Variants in STOX2 observed in about 807,000 individuals in gnomAD.
The protein encoded by STOX2 is storkhead-box protein 2.
A neutral mutation model predicts 60.9 loss-of-function variants in STOX2; 28 were observed. That is an observed-to-expected ratio of 0.46 (90% CI 0.34 to 0.63). The LOEUF (loss-of-function observed/expected upper bound fraction) is 0.63. Among genes scored for constraint, STOX2 ranks in the 30% least tolerant of loss-of-function variants. The pLI, the probability that STOX2 is intolerant of heterozygous loss-of-function variation, is 0.01. For synonymous variants in STOX2, 472 were observed against 463.9 expected, an observed-to-expected ratio of 1.02 and a Z score of -0.22; for missense variants, 1,024 against 1,187.7, an observed-to-expected ratio of 0.86 and a Z score of 2.03.
chr4:184,021,870 C>T lies in STOX2; in HGVS notation c.*4586C>T, dbSNP rs944711476. The T allele has an allele frequency of 6.6e-6, 1 of 152,238 alleles. No individual in the cohort carries two copies. Among genetic ancestry groups the T allele is most frequent in the Non-Finnish European group, 1.5e-5 (1 of 68,150 alleles). 9.4% of individuals were successfully genotyped at this position (152,238 alleles called of 1,614,324 possible). Reference sequence around the variant, plus strand: ...CCGTCACCACAGGCCAGTCACAGAACCAACTAGCCACGTGCTGCCAGACCT... The same window carrying T: ...CCGTCACCACAGGCCAGTCACAGAATCAACTAGCCACGTGCTGCCAGACCT... On this transcript the variant is annotated 3_prime_UTR_variant, in exon 4 of 4. Coordinates refer to ENST00000308497, the MANE Select transcript of STOX2 (RefSeq NM_020225.3).
At chr4:183,890,028 G>T (rs1372918023) in intron 1 of STOX2, among the ~76,000 whole-genome samples, 1 of 152,094 alleles carries the variant, frequency 6.6e-6, no homozygotes, top group Non-Finnish European at 1.5e-5. Context: ...TTAATTTCCA[G>T]CTGAAATATT....
chr4:184,019,961 T>TTA lies in STOX2; in HGVS notation c.*2678_*2679dup, dbSNP rs1734510977. The TTA allele has an allele frequency of 6.6e-6, 1 of 152,214 alleles. No individual in the cohort carries two copies. Among genetic ancestry groups the TTA allele is most frequent in the South Asian group, 2.1e-4 (1 of 4,836 alleles). The allele number at this position is 152,214 out of a possible 1,614,324, so 9.4% of individuals were successfully genotyped here. On this transcript the variant is annotated 3_prime_UTR_variant, in exon 4 of 4. Coordinates refer to ENST00000308497, the MANE Select transcript of STOX2 (RefSeq NM_020225.3). Reference sequence around the variant, plus strand: ...ACGACTGCTTATCCAGTCTTAGGGTTTAGCAGCTGAAAGGTTTACAAAACT... The same window carrying TTA: ...ACGACTGCTTATCCAGTCTTAGGGTTTATAGCAGCTGAAAGGTTTACAAAACT...
Position 184,010,350 on chromosome 4 carries a change from T to C in STOX2, c.1512T>C (p.Ser504=). The change falls in exon 3 of 4, where the codon TCT becomes TCC. Residue 504 remains serine, a synonymous_variant. Transcript: ENST00000308497. This position sits in a 1 kb window ranked among gnomAD's most constrained non-coding sequence, Gnocchi z 4.5. ...MDNSKGPLGA[S]SLGTPEDLAE... is the part of the protein sequence containing the mutation. ...ACTCCAAAGGCCCTCTGGGTGCTTC[T>C]TCTCTAGGGACGCCGGAAGACCTTG... 1.9e-6 allele frequency: 3 copies of C among 1,611,114 alleles called. No individual in the cohort carries two copies. The South Asian group carries it at 3.3e-5, about 18-fold the overall frequency.
At chr4:183,980,405 G>A (rs535587539) in intron 1 of STOX2, among the ~76,000 whole-genome samples, 59 of 152,296 alleles carry the variant, frequency 3.9e-4, no homozygotes, top group African/African-American at 1.3e-3. Flanking sequence ...ACAACAGTCC[G>A]GATACTGTTG....
At position 183,979,968 on chromosome 4, in the gene STOX2, T is replaced by C. The variant is rs138897858; in HGVS notation, c.167-21357T>C. Among the ~76,000 whole-genome samples the C allele has an allele frequency of 4.3e-3, 658 of 152,316 alleles. 5 individuals carry two copies. The highest frequency in any genetic ancestry group is 0.015 in the African/African-American group (608 of 41,576). On this transcript the variant is annotated intron_variant, in intron 1 of 3. Transcript: ENST00000308497. ...TATTCCTGAGGAACTAATATTTTAA[T>C]TTTATTTAATTTAGATTAACTTATA...
chr4:184,010,241 A>T lies in STOX2; in HGVS notation c.1403A>T (p.His468Leu), dbSNP rs1734083200. ...AGGGGAAGCTCCCACTCAAAAGTGC[A>T]CCGAAGCCACAGCCATACACAGGAC... ...PSRGSSHSKV[H>L]RSHSHTQDRR... The change falls in exon 3 of 4, where the codon CAC (histidine) becomes CTC (leucine). Residue 468 changes from histidine to leucine, a missense_variant. His to Leu is a moderately conservative substitution (Grantham distance 99, BLOSUM62 -3). Around this residue, in one of 3 missense-constraint regions of STOX2, gnomAD observed 922 missense variants for 1,058.3 expected, o/e 0.87. Transcript: ENST00000308497. This position sits in a 1 kb window ranked among gnomAD's most constrained non-coding sequence, Gnocchi z 4.5. 6.4e-7 allele frequency: 1 copy of T among 1,560,730 alleles called. No homozygotes were observed. Among genetic ancestry groups the T allele is most frequent in the East Asian group, 2.4e-5 (1 of 41,456 alleles).
intron 1 of STOX2, among the ~76,000 whole-genome samples, chr4:183,880,015 A>T (rs1357234357): frequency 3.9e-5 from 6 of 151,910 alleles, no homozygotes; most frequent in Non-Finnish European, 8.8e-5. Context: ...TAGAGACGGA[A>T]TCTCGCTCTG....
At chr4:183,822,941 C>G (rs965100914) in intron 1 of STOX2, among the ~76,000 whole-genome samples, 7 of 152,250 alleles carry the variant, frequency 4.6e-5, no homozygotes, top group Non-Finnish European at 7.3e-5. Context: ...CCTGACTCCA[C>G]GGCTGAGCCT....
At chr4:183,990,501 A>G (rs189088770) in intron 1 of STOX2, among the ~76,000 whole-genome samples, 1 of 149,956 alleles carries the variant, frequency 6.7e-6, no homozygotes, top group East Asian at 2.0e-4. Flanking sequence ...TGCTGTCTAC[A>G]TCTCCTAGCA....
At chr4:183,971,217 A>C (rs1321434130) in intron 1 of STOX2, among the ~76,000 whole-genome samples, 2 of 152,234 alleles carry the variant, frequency 1.3e-5, no homozygotes, top group Non-Finnish European at 2.9e-5. Context: ...ACTGAACATT[A>C]TTGAGGCAAA....
intron 1 of STOX2, among the ~76,000 whole-genome samples, chr4:183,928,171 T>C (rs1742299400): frequency 6.6e-6 from 1 of 152,154 alleles, no homozygotes; most frequent in African/African-American, 2.4e-5. Flanking sequence ...AGGTCATCTG[T>C]TTTAAGTTCA....
At chr4:183,944,011 G>T (rs1742821982) in intron 1 of STOX2, among the ~76,000 whole-genome samples, 1 of 152,224 alleles carries the variant, frequency 6.6e-6, no homozygotes, top group South Asian at 2.1e-4. Context: ...CTGCTCTGGA[G>T]AAACCCATGG....
intron 1 of STOX2, among the ~76,000 whole-genome samples, chr4:183,978,361 T>C (rs531774066): frequency 9.8e-4 from 149 of 152,356 alleles, no homozygotes; most frequent in African/African-American, 3.3e-3. Context: ...TAGGGTGTCC[T>C]TTCCCCGTGT....
chr4:183,983,747 C>T (rs1732738906), intron 1 of STOX2, among the ~76,000 whole-genome samples: 1 of 152,120 alleles, frequency 6.6e-6, no homozygotes. Flanking sequence ...TAAAGTGGGC[C>T]ATTTTCCTAT....
rs747226106 is a variant in STOX2 at position 184,010,079 on chromosome 4, T to C, written c.1241T>C (p.Ile414Thr). 1.1e-5 allele frequency: 18 copies of C among 1,610,336 alleles called. No individual in the cohort carries two copies. The highest frequency in any genetic ancestry group is 1.4e-5 in the Non-Finnish European group (17 of 1,178,286). The change falls in exon 3 of 4, where the codon ATT becomes ACT. Residue 414 changes from isoleucine to threonine, a missense_variant. Coordinates refer to ENST00000308497, the MANE Select transcript of STOX2 (RefSeq NM_020225.3). The surrounding 1 kb of genome is among the most constrained non-coding windows in gnomAD (Gnocchi z 4.5). ...TRVPREGCFIIEHKGDNFIMH... is the reference protein window; with the variant it reads ...TRVPREGCFITEHKGDNFIMH... Reference sequence around the variant, plus strand: ...GTGCCCAGGGAGGGCTGCTTCATCATTGAACACAAAGGAGATAACTTCATC... The same window carrying C: ...GTGCCCAGGGAGGGCTGCTTCATCACTGAACACAAAGGAGATAACTTCATC...
chr4:183,927,196 G>A (rs982675787), intron 1 of STOX2, among the ~76,000 whole-genome samples: 9 of 152,176 alleles, frequency 5.9e-5, no homozygotes, highest in African/African-American at 1.9e-4. Flanking sequence ...CTTGAGGCCC[G>A]GATGTGGGAG....
chr4:183,929,668 C>T (rs1185863171), intron 1 of STOX2, among the ~76,000 whole-genome samples: 2 of 152,096 alleles, frequency 1.3e-5, no homozygotes, highest in Admixed American at 6.5e-5. Context: ...TCTCACTTCG[C>T]GCTGCCATTC....
chr4:183,874,952 A>ATAT (rs1191802280), intron 1 of STOX2, among the ~76,000 whole-genome samples: 1 of 44,614 alleles, frequency 2.2e-5, no homozygotes, highest in African/African-American at 9.1e-5. Context: ...AAAAAAAAAA[A>ATAT]ATATATATAT....
intron 1 of STOX2, among the ~76,000 whole-genome samples, chr4:183,928,218 C>CGG (rs3042579): frequency 3.3e-5 from 5 of 151,826 alleles, no homozygotes; most frequent in African/African-American, 1.2e-4. Context: ...GGGGAGCCCT[C>CGG]GGGGGGGGGC....
Sources: gnomAD v4.1 joint callset for allele counts (sites outside exome capture counted in the v4.1 genomes callset) on GRCh38, gnomAD v4.1.1 for gene constraint, gnomAD v4.1.1 regional missense constraint, Gnocchi (gnomAD v3.1) non-coding constraint, MANE v1.5 for transcripts, NCBI Gene and HGNC (gene_info 2026-07-23, HGNC 2026-07-21) for gene names.